IL1RAPL2: variants seen among roughly 807,000 people sequenced by gnomAD.
IL1RAPL2 encodes X-linked interleukin-1 receptor accessory protein-like 2.
IL1RAPL2 carries 3 observed loss-of-function variants against 44.1 expected under a neutral mutation model. That is an observed-to-expected ratio of 0.07 (90% CI 0.03 to 0.18). IL1RAPL2 has a LOEUF of 0.18. Ranked by LOEUF, IL1RAPL2 falls within the 10% of genes least tolerant of loss-of-function variation. The probability of loss-of-function intolerance (pLI) is 1.00; values close to 1 mark genes in which losing one functional copy is unlikely to be tolerated. For synonymous variants in IL1RAPL2, 181 were observed against 178.8 expected (o/e 1.01, Z -0.10); for missense variants, 391 against 496.4 (o/e 0.79, Z 2.02).
chrX:104,766,475 T>C (rs973068824), intron 2 of IL1RAPL2, among the ~76,000 whole-genome samples: 1 of 111,263 alleles, frequency 9.0e-6, no homozygotes. Flanking sequence ...ATATCAGATA[T>C]AGAAATTTTC....
At chrX:104,608,300 C>T (rs1929064324) in intron 1 of IL1RAPL2, among the ~76,000 whole-genome samples, 1 of 110,704 alleles carries the variant, frequency 9.0e-6, no homozygotes. Context: ...ATGGTTGCAG[C>T]AAACCACCAT....
chrX:104,840,925 G>A (rs1273017002), intron 2 of IL1RAPL2, among the ~76,000 whole-genome samples: 6 of 109,802 alleles, frequency 5.5e-5, no homozygotes, highest in African/African-American at 1.7e-4. Flanking sequence ...CCTGACATCT[G>A]GTGATCTGCC....
At chrX:105,057,293 C>A (rs1269811659) in intron 2 of IL1RAPL2, among the ~76,000 whole-genome samples, 2 of 111,673 alleles carry the variant, frequency 1.8e-5, no homozygotes, top group Non-Finnish European at 3.8e-5. Context: ...TTTGGCCAGG[C>A]TAGATGTCTG....
chrX:105,237,976 T>G (rs1181400199), intron 4 of IL1RAPL2, among the ~76,000 whole-genome samples: 2 of 112,365 alleles, frequency 1.8e-5, no homozygotes, highest in Non-Finnish European at 3.8e-5. Flanking sequence ...CAAATTAAAT[T>G]TAAAAGATTA....
intron 2 of IL1RAPL2, 83 bp downstream of exon 2, chrX:104,659,078 T>C: frequency 1.6e-6 from 1 of 611,441 alleles, no homozygotes; most frequent in South Asian, 2.6e-5. Context: ...CCTTTAACTA[T>C]GAATGTCTTT....
intron 2 of IL1RAPL2, among the ~76,000 whole-genome samples, chrX:104,903,092 A>T (rs1340698385): frequency 8.9e-6 from 1 of 111,817 alleles, no homozygotes; most frequent in Admixed American, 9.5e-5. Flanking sequence ...GGGGCATTAA[A>T]TGTTGATGAT....
chrX:105,363,289 A>AAT (rs61486978), intron 5 of IL1RAPL2, among the ~76,000 whole-genome samples: 7,323 of 76,123 alleles, frequency 0.096, 413 homozygotes, highest in Non-Finnish European at 0.13. Flanking sequence ...ATATATATAT[A>AAT]ATATATATAT....
intron 2 of IL1RAPL2, among the ~76,000 whole-genome samples, chrX:104,754,423 C>A (rs1057007374): frequency 9.0e-6 from 1 of 111,301 alleles, no homozygotes; most frequent in African/African-American, 3.3e-5. Flanking sequence ...GCATTTGTGC[C>A]CATCTCATGA....
intron 2 of IL1RAPL2, among the ~76,000 whole-genome samples, chrX:105,078,749 G>C (rs1484253112): frequency 2.7e-5 from 3 of 112,124 alleles, no homozygotes; most frequent in Non-Finnish European, 5.6e-5. Flanking sequence ...CCCTCCCCCA[G>C]CCTCGCTGCC....
intron 5 of IL1RAPL2, among the ~76,000 whole-genome samples, chrX:105,395,775 TTC>T (rs767940609): frequency 8.9e-6 from 1 of 112,193 alleles, no homozygotes; most frequent in Non-Finnish European, 1.9e-5. Context: ...ATCCTTGACT[TTC>T]TCTTTTTTCT....
chrX:105,668,882 G>A (rs1254858066), intron 6 of IL1RAPL2, among the ~76,000 whole-genome samples: 2 of 111,345 alleles, frequency 1.8e-5, no homozygotes, highest in Admixed American at 1.9e-4. Context: ...GGTTGGGCAG[G>A]ACAAGGATCA....
At chrX:104,999,692 A>G (rs978599792) in intron 2 of IL1RAPL2, among the ~76,000 whole-genome samples, 2 of 111,550 alleles carry the variant, frequency 1.8e-5, no homozygotes, top group Non-Finnish European at 3.8e-5. Context: ...ATGTTTGCTT[A>G]CAGGCTCCTC....
intron 2 of IL1RAPL2, among the ~76,000 whole-genome samples, chrX:104,781,356 C>T (rs906941462): frequency 2.7e-5 from 3 of 112,093 alleles, no homozygotes; most frequent in African/African-American, 9.7e-5. Flanking sequence ...CAAAACCTGT[C>T]CATCTGACTT....
At chrX:105,423,867 TA>T (rs111770482) in intron 5 of IL1RAPL2, among the ~76,000 whole-genome samples, 955 of 85,778 alleles carry the variant, frequency 0.011, 10 homozygotes, top group African/African-American at 0.024. Flanking sequence ...TGGAAACAAG[TA>T]AAAAAAAAAA....
At chrX:105,125,997 G>A (rs977018238) in intron 2 of IL1RAPL2, among the ~76,000 whole-genome samples, 6 of 111,394 alleles carry the variant, frequency 5.4e-5, no homozygotes, top group Admixed American at 2.8e-4. Flanking sequence ...TAGAAACTAT[G>A]TAGTTCAAGT....
At chrX:104,647,248 G>C in intron 1 of IL1RAPL2, 1 of 376,740 alleles carries the variant, frequency 2.7e-6, no homozygotes, top group East Asian at 6.6e-5. Context: ...TCAGAGCTGA[G>C]AGCTGGTATG....
At chrX:105,137,700 T>C (rs2033088936) in intron 2 of IL1RAPL2, among the ~76,000 whole-genome samples, 1 of 112,169 alleles carries the variant, frequency 8.9e-6, no homozygotes, top group South Asian at 3.7e-4. Flanking sequence ...GACACCTAAA[T>C]GACTTAATTG....
intron 2 of IL1RAPL2, among the ~76,000 whole-genome samples, chrX:104,751,993 C>T (rs1932266651): frequency 9.0e-6 from 1 of 111,292 alleles, no homozygotes; most frequent in Non-Finnish European, 1.9e-5. Flanking sequence ...CCATCTCTCT[C>T]TTTCTGAGTA....
intron 6 of IL1RAPL2, among the ~76,000 whole-genome samples, chrX:105,708,561 T>G (rs1182125404): frequency 1.8e-5 from 2 of 111,721 alleles, no homozygotes; most frequent in Non-Finnish European, 3.8e-5. Flanking sequence ...GTTGGGAAAG[T>G]GAAAAAGATT....
Sources: gnomAD v4.1 joint callset for allele counts (sites outside exome capture counted in the v4.1 genomes callset) on GRCh38, gnomAD v4.1.1 for gene constraint, MANE v1.5 for transcripts, NCBI Gene and HGNC (gene_info 2026-07-23, HGNC 2026-07-21) for gene names.